The following KLKB1 variants were observed in gnomAD, a reference collection of about 807,000 sequenced individuals.
KLKB1 encodes the protein kallikrein B1.
In KLKB1, 58 loss-of-function variants were observed where a neutral mutation model predicts 73.6. That is an observed-to-expected ratio of 0.79 (90% CI 0.64 to 0.98). KLKB1 has a LOEUF of 0.98. Ranked by LOEUF, KLKB1 falls within the 50% of genes least tolerant of loss-of-function variation. KLKB1 has a pLI of 0.00. For missense variants in KLKB1, 737 were observed against 763.8 expected, an observed-to-expected ratio of 0.96 and a Z score of 0.41; for synonymous variants, 280 against 258.1, an observed-to-expected ratio of 1.08 and a Z score of -0.81.
intron 6 of KLKB1, 34 bp downstream of exon 6, chr4:186,238,399 G>A (rs773416655): frequency 6.2e-6 from 9 of 1,454,416 alleles, no homozygotes; most frequent in Admixed American, 1.7e-5. Flanking sequence ...TGTGATTGTG[G>A]TAGGTGGAAT....
chr4:186,223,591 C>T (rs1368761017), upstream of KLKB1, among the ~76,000 whole-genome samples: 1 of 152,134 alleles, frequency 6.6e-6, no homozygotes, highest in Non-Finnish European at 1.5e-5. Flanking sequence ...TTTAGGGTAT[C>T]TGTCAGAATA....
intron 6 of KLKB1, among the ~76,000 whole-genome samples, chr4:186,244,087 T>C (rs1208335178): frequency 1.3e-5 from 2 of 152,136 alleles, no homozygotes; most frequent in Non-Finnish European, 2.9e-5. Flanking sequence ...GAATTTTGAC[T>C]GCGCAGCCCT....
intron 1 of KLKB1, 125 bp downstream of exon 1, chr4:186,227,712 A>T (rs1407576810): frequency 6.3e-6 from 1 of 158,306 alleles, no homozygotes. Context: ...AGTATAGATA[A>T]TGTTCCTTTA....
intron 6 of KLKB1, among the ~76,000 whole-genome samples, chr4:186,247,427 G>C (rs1190618156): frequency 6.6e-6 from 1 of 152,022 alleles, no homozygotes; most frequent in East Asian, 1.9e-4. Context: ...GGGTCACAAG[G>C]TGCTCAGTGG....
At chr4:186,248,289 G>T (rs1029974901) in intron 6 of KLKB1, among the ~76,000 whole-genome samples, 2 of 151,624 alleles carry the variant, frequency 1.3e-5, no homozygotes, top group East Asian at 3.9e-4. Context: ...AAAAAGAAAG[G>T]CTGTCTTTCT....
intron 6 of KLKB1, among the ~76,000 whole-genome samples, chr4:186,239,650 G>T (rs1737906434): frequency 7.2e-6 from 1 of 139,402 alleles, no homozygotes; most frequent in East Asian, 2.1e-4. Context: ...TAGGTACAGT[G>T]ATATAGGACA....
chr4:186,246,925 C>T (rs765466999), intron 6 of KLKB1, among the ~76,000 whole-genome samples: 14 of 152,132 alleles, frequency 9.2e-5, no homozygotes, highest in Admixed American at 2.6e-4. Context: ...ATGGATAAAA[C>T]GCGTCTCCTC....
chr4:186,250,215 G>C, intron 6 of KLKB1, 28 bp from the exon 7 acceptor site: 1 of 1,610,818 alleles, frequency 6.2e-7, no homozygotes, highest in East Asian at 2.2e-5. Context: ...CATTTCCTAA[G>C]GAACATCTTC....
At chr4:186,232,101 A>T (rs1304915622) in intron 2 of KLKB1, 26 bp from the exon 3 acceptor site, 1 of 1,570,650 alleles carries the variant, frequency 6.4e-7, no homozygotes, top group Non-Finnish European at 8.6e-7. Flanking sequence ...AATTATCGCA[A>T]ATTAATTTTT....
intron 5 of KLKB1, among the ~76,000 whole-genome samples, chr4:186,237,174 C>G (rs1737740768): frequency 6.6e-6 from 1 of 152,172 alleles, no homozygotes; most frequent in Admixed American, 6.5e-5. Flanking sequence ...TCTCGACTCA[C>G]TACAACCTCC....
chr4:186,226,978 G>A (rs1374548488), upstream of KLKB1, among the ~76,000 whole-genome samples: 9 of 152,272 alleles, frequency 5.9e-5, no homozygotes, highest in East Asian at 1.7e-3. Context: ...GTGAGCATGG[G>A]GCTGAGGCCA....
chr4:186,238,884 TG>T (rs1737847686), intron 6 of KLKB1, among the ~76,000 whole-genome samples: 2 of 151,448 alleles, frequency 1.3e-5, no homozygotes, highest in African/African-American at 4.9e-5. Context: ...ACTAGTACAG[TG>T]ATACTGTTAG....
intron 3 of KLKB1, 26 bp downstream of exon 3, chr4:186,232,315 AGAAGCTGTTTTTCAAAAC>A (rs1267369045): frequency 6.2e-7 from 1 of 1,607,470 alleles, no homozygotes; most frequent in Non-Finnish European, 8.5e-7. Flanking sequence ...TCATTATTGG[AGAAGCTGTTTTTCAAAAC>A]TGAATCAGTT....
chr4:186,228,379 A>G, intron 2 of KLKB1, 126 bp downstream of exon 2: 2 of 696,092 alleles, frequency 2.9e-6, no homozygotes, highest in South Asian at 3.1e-5. Context: ...CTGATGATTC[A>G]GGACACGTGT....
intron 14 of KLKB1, 93 bp downstream of exon 14, chr4:186,257,458 TA>T (rs1442674911): frequency 9.0e-6 from 11 of 1,225,970 alleles, no homozygotes; most frequent in Non-Finnish European, 1.2e-5. Flanking sequence ...TCATAGTTTT[TA>T]AAAAAATTCA....
chr4:186,227,294 C>T (rs1397465184), upstream of KLKB1: 1 of 152,146 alleles, frequency 6.6e-6, no homozygotes, highest in Non-Finnish European at 1.5e-5. Flanking sequence ...GATACTTGTT[C>T]GAATTGATGT....
intron 4 of KLKB1, among the ~76,000 whole-genome samples, chr4:186,235,463 G>A (rs566257517): frequency 2.1e-3 from 318 of 152,220 alleles, no homozygotes; most frequent in Middle Eastern, 6.8e-3. Context: ...ATTTGTAAGA[G>A]TCGCATCCCA....
At chr4:186,252,933 G>C (rs975777095) in intron 11 of KLKB1, among the ~76,000 whole-genome samples, 3 of 152,234 alleles carry the variant, frequency 2.0e-5, no homozygotes, top group African/African-American at 7.2e-5. Context: ...TGGTCAAATA[G>C]TAGACATGTT....
intron 6 of KLKB1, among the ~76,000 whole-genome samples, chr4:186,246,733 G>A (rs1013985591): frequency 2.0e-5 from 3 of 151,984 alleles, no homozygotes; most frequent in Non-Finnish European, 4.4e-5. Context: ...GGGGTGGGGG[G>A]GTGCTTGCCC....
Sources: allele counts gnomAD v4.1 joint callset (sites outside exome capture counted in the v4.1 genomes callset), GRCh38; gene constraint gnomAD v4.1.1; transcripts MANE v1.5; gene names NCBI Gene and HGNC (gene_info 2026-07-23, HGNC 2026-07-21).